The following NCOA6 variants were observed in gnomAD, a reference collection of about 807,000 sequenced individuals.
The protein encoded by NCOA6 is nuclear receptor coactivator 6, also known as NRC RAP250.
NCOA6 carries 49 observed loss-of-function variants against 171.4 expected under a neutral mutation model. The ratio of observed to expected loss-of-function variants is 0.29; its 90% CI spans 0.23 to 0.36. The LOEUF is 0.36. Ranked by LOEUF, NCOA6 falls within the 10% of genes least tolerant of loss-of-function variation. NCOA6 has a pLI of 1.00. For synonymous variants in NCOA6, 910 were observed against 927.5 expected (o/e 0.98, Z 0.34); for missense variants, 2,248 against 2,554.5 (o/e 0.88, Z 2.59).
chr20:34,797,259 A>AT (rs2078107493), intron 1 of NCOA6, among the ~76,000 whole-genome samples: 1 of 152,022 alleles, frequency 6.6e-6, no homozygotes, highest in Admixed American at 6.6e-5. Context: ...GTAAAAGAGG[A>AT]TTTTGTCTTG....
chr20:34,789,367 A>G (rs1182700593), intron 2 of NCOA6, among the ~76,000 whole-genome samples: 3 of 152,248 alleles, frequency 2.0e-5, no homozygotes, highest in African/African-American at 7.2e-5. Flanking sequence ...GAAATCCAAC[A>G]GTTTTTCTGA....
At chr20:34,729,858 C>G (rs6087623) in intron 13 of NCOA6, among the ~76,000 whole-genome samples, 53,491 of 151,854 alleles carry the variant, frequency 0.35, 9,751 homozygotes, top group Middle Eastern at 0.43. Flanking sequence ...CTGGGACACA[C>G]CATTCACTCC....
chr20:34,758,140 T>C lies in NCOA6; in HGVS notation c.644-36A>G. ...ATAGTCAACAAAGCAATAATTAACC[T>C]ACTGCAATCTAGATCTTAGAGAAGT... On this transcript the variant is annotated intron_variant, in intron 6 of 14. Coordinates refer to ENST00000359003, the MANE Select transcript of NCOA6 (RefSeq NM_014071.5). 1.9e-6 allele frequency: 3 copies of C among 1,563,036 alleles called. No homozygotes were observed. The South Asian group carries it at 3.7e-5, about 19-fold the overall frequency.
At position 34,716,962 on chromosome 20, in the gene NCOA6, T is replaced by C. The variant is rs1237860301; in HGVS notation, c.6149-1597A>G. On this transcript the variant is annotated intron_variant, in intron 14 of 14. Transcript: ENST00000359003. Reference sequence around the variant, plus strand: ...GGAGAAAAAAAATGCTTCTAATATATCAATACAAAAGATGAATCAGATTTA... The same window carrying C: ...GGAGAAAAAAAATGCTTCTAATATACCAATACAAAAGATGAATCAGATTTA... 5.9e-5 allele frequency among the ~76,000 whole-genome samples: 9 copies of C among 152,284 alleles called. No homozygotes were observed. The South Asian group carries it at 6.2e-4, about 11-fold the overall frequency.
chr20:34,754,949 A>T, intron 7 of NCOA6, 81 bp from the exon 8 acceptor site: 1 of 1,423,932 alleles, frequency 7.0e-7, no homozygotes, highest in South Asian at 1.3e-5. Flanking sequence ...AGGAAGGATG[A>T]GCTGCATGAA....
chr20:34,716,588 C>CA (rs1988626855), intron 14 of NCOA6, among the ~76,000 whole-genome samples: 1 of 151,894 alleles, frequency 6.6e-6, no homozygotes, highest in East Asian at 1.9e-4. Context: ...CCCATCTCTA[C>CA]AAAAAGAAAA....
intron 14 of NCOA6, among the ~76,000 whole-genome samples, chr20:34,716,215 CAAAAAAAAAAA>C (rs34030662): frequency 1.4e-5 from 1 of 73,810 alleles, no homozygotes; most frequent in African/African-American, 5.5e-5. Context: ...GACTCCGTCT[CAAAAAAAAAAA>C]AAAAAAAAAA....
chr20:34,771,357 C>A (rs1311028170), intron 4 of NCOA6, among the ~76,000 whole-genome samples: 2 of 151,926 alleles, frequency 1.3e-5, no homozygotes, highest in East Asian at 3.9e-4. Flanking sequence ...TGGTCTCAAA[C>A]TCCTGTGCTC....
chr20:34,732,007 C>T (rs2075798058), intron 13 of NCOA6, among the ~76,000 whole-genome samples: 2 of 152,112 alleles, frequency 1.3e-5, no homozygotes, highest in African/African-American at 4.8e-5. Context: ...GGTGATAGAG[C>T]AAGACTCTGT....
intron 1 of NCOA6, chr20:34,820,400 T>C (rs1236476587): frequency 6.6e-6 from 1 of 150,956 alleles, no homozygotes; most frequent in African/African-American, 2.4e-5. Flanking sequence ...ACTGCAAATC[T>C]TAAAGGAAAA....
At chr20:34,815,314 C>A (rs1017068545) in intron 1 of NCOA6, among the ~76,000 whole-genome samples, 7 of 151,674 alleles carry the variant, frequency 4.6e-5, no homozygotes, top group Non-Finnish European at 1.0e-4. Flanking sequence ...GAGGTTGAGG[C>A]AGCAGTGAGC....
chr20:34,760,417 T>C (rs148188867), intron 5 of NCOA6, among the ~76,000 whole-genome samples: 1 of 152,342 alleles, frequency 6.6e-6, no homozygotes, highest in Non-Finnish European at 1.5e-5. Flanking sequence ...AAGAGAACAA[T>C]GAAAAATTCT....
At chr20:34,751,160 G>C (rs1753939309) in intron 8 of NCOA6, among the ~76,000 whole-genome samples, 1 of 151,162 alleles carries the variant, frequency 6.6e-6, no homozygotes. Context: ...CACGAGGTCA[G>C]GAGATCGAGA....
intron 4 of NCOA6, 150 bp downstream of exon 4, chr20:34,776,143 G>A: frequency 2.1e-6 from 2 of 965,686 alleles, no homozygotes; most frequent in Non-Finnish European, 3.0e-6. Flanking sequence ...TTCATCCTAA[G>A]GTGCTGCAAA....
rs1343845151 is a variant in NCOA6, at chr20:34,750,093, G to C, written c.2102C>G (p.Pro701Arg). The C allele has an allele frequency of 1.2e-6, 2 of 1,614,134 alleles. No homozygotes were observed. Among genetic ancestry groups the C allele is most frequent in the Non-Finnish European group, 1.7e-6 (2 of 1,180,022 alleles). Residue 701 changes from proline to arginine, a missense_variant, in exon 9 of 15, where the codon CCT (proline) becomes CGT (arginine). Coordinates refer to ENST00000359003, the MANE Select transcript of NCOA6 (RefSeq NM_014071.5). ...MMAPHNQMMG[P>R]QGQVLLQQNP... ...CTGTTGGAGCAAAACCTGCCCCTGA[G>C]GCCCCATCATCTGGTTATGTGGCGC... is the stretch of plus-strand genomic sequence containing the variant.
intron 14 of NCOA6, among the ~76,000 whole-genome samples, chr20:34,716,203 G>A (rs959158555): frequency 4.9e-4 from 62 of 125,340 alleles, no homozygotes; most frequent in Admixed American, 4.3e-3. Context: ...TGGAGACAGC[G>A]AGACTCCGTC....
chr20:34,775,935 ACT>A (rs2077306682), intron 4 of NCOA6, among the ~76,000 whole-genome samples: 2 of 152,256 alleles, frequency 1.3e-5, no homozygotes, highest in Non-Finnish European at 2.9e-5. Context: ...ACAGAAAGAC[ACT>A]GTCTCTAAAA....
chr20:34,719,427 T>C (rs1989024745), intron 14 of NCOA6, among the ~76,000 whole-genome samples: 1 of 152,040 alleles, frequency 6.6e-6, no homozygotes, highest in Non-Finnish European at 1.5e-5. Flanking sequence ...GGTCAGGAGT[T>C]CAAGACCAGC....
intron 2 of NCOA6, among the ~76,000 whole-genome samples, chr20:34,789,106 A>C (rs969244303): frequency 9.2e-5 from 14 of 152,234 alleles, no homozygotes; most frequent in South Asian, 4.1e-4. Context: ...TGATATTAGG[A>C]AATCAACAAT....
Sources: allele counts gnomAD v4.1 joint callset (sites outside exome capture counted in the v4.1 genomes callset), GRCh38; gene constraint gnomAD v4.1.1; transcripts MANE v1.5; gene names NCBI Gene and HGNC (gene_info 2026-07-23, HGNC 2026-07-21).